The following MAP3K21 variants were observed in gnomAD, a reference collection of about 807,000 sequenced individuals.
MAP3K21 encodes mitogen-activated protein kinase kinase kinase MLK4.
Under a neutral mutation model 86.1 loss-of-function variants are expected in MAP3K21, and 63 were observed. The ratio of observed to expected loss-of-function variants is 0.73; its 90% CI spans 0.60 to 0.90. The LOEUF (loss-of-function observed/expected upper bound fraction) is 0.90, where lower values mean the gene tolerates loss of function less well. Among genes scored for constraint, MAP3K21 ranks in the 40% least tolerant of loss-of-function variants. MAP3K21 has a pLI of 0.00. For missense variants in MAP3K21, 1,220 were observed against 1,367.7 expected (o/e 0.89, Z 1.70); for synonymous variants, 558 against 564.8 (o/e 0.99, Z 0.17).
At chr1:233,348,999 AAAGCTT>A (rs1385450296) in intron 2 of MAP3K21, among the ~76,000 whole-genome samples, 1 of 152,182 alleles carries the variant, frequency 6.6e-6, no homozygotes, top group Non-Finnish European at 1.5e-5. Context: ...CCTTCCATTT[AAAGCTT>A]ATCTTCTGCA....
Position 233,382,308 on chromosome 1 carries a change from GTGCAACTA to G in MAP3K21, c.2710_2717del (p.Ala904TyrfsTer87). On this transcript the variant is annotated frameshift_variant, in exon 10 of 10. Transcript: ENST00000366624. LOFTEE classifies it low-confidence loss of function (END_TRUNC). ...CTGTTTTGGCTTTCTCAACCAGCTG[GTGCAACTA>G]TTATCTCAGCCACTGGAGCCTCTGC... is the stretch of plus-strand genomic sequence containing the variant. The G allele has an allele frequency of 6.2e-7, 1 of 1,608,058 alleles. No homozygotes were observed. The highest frequency in any genetic ancestry group is 1.1e-5 in the South Asian group (1 of 90,832).
intron 5 of MAP3K21, among the ~76,000 whole-genome samples, chr1:233,368,495 A>G (rs1663621810): frequency 6.6e-6 from 1 of 152,034 alleles, no homozygotes; most frequent in Non-Finnish European, 1.5e-5. Flanking sequence ...TTCTACAAAA[A>G]TATACAAAAA....
chr1:233,359,985 G>A (rs1001180751), intron 4 of MAP3K21, among the ~76,000 whole-genome samples: 10 of 151,994 alleles, frequency 6.6e-5, no homozygotes, highest in African/African-American at 2.2e-4. Context: ...TCACAAATTT[G>A]TTCACAGGGA....
chr1:233,338,861 T>G (rs574142832), intron 1 of MAP3K21, among the ~76,000 whole-genome samples: 9 of 152,316 alleles, frequency 5.9e-5, no homozygotes, highest in African/African-American at 2.2e-4. Context: ...GTTTTGAAAT[T>G]TGATGAAGGG....
intron 1 of MAP3K21, among the ~76,000 whole-genome samples, chr1:233,346,152 A>T (rs1572243369): frequency 1.3e-5 from 2 of 152,320 alleles, no homozygotes; most frequent in African/African-American, 4.8e-5. Flanking sequence ...TTCTGATCCT[A>T]CTTGTGATAT....
chr1:233,367,891 G>A (rs1052019697), intron 5 of MAP3K21, among the ~76,000 whole-genome samples: 1 of 150,946 alleles, frequency 6.6e-6, no homozygotes, highest in East Asian at 2.0e-4. Context: ...TTTTCTTTCT[G>A]TTTACAACAT....
intron 9 of MAP3K21, among the ~76,000 whole-genome samples, chr1:233,380,843 C>T (rs569837740): frequency 2.6e-5 from 4 of 152,112 alleles, no homozygotes; most frequent in Non-Finnish European, 5.9e-5. Flanking sequence ...GAATTTAAAC[C>T]CGGGATCCTT....
At chr1:233,373,950 G>A (rs1036296154) in intron 6 of MAP3K21, 4 of 152,218 alleles carry the variant, frequency 2.6e-5, no homozygotes, top group African/African-American at 9.7e-5. Flanking sequence ...GGAGACTAAA[G>A]CCGAGAGTGT....
intron 1 of MAP3K21, among the ~76,000 whole-genome samples, chr1:233,338,789 G>T (rs1334970672): frequency 6.6e-6 from 1 of 152,174 alleles, no homozygotes; most frequent in African/African-American, 2.4e-5. Context: ...CGACGCAAGA[G>T]ACTTTTGAAC....
chr1:233,369,218 T>C (rs151014774), intron 5 of MAP3K21, among the ~76,000 whole-genome samples: 1 of 13,456 alleles, frequency 7.4e-5, no homozygotes. Flanking sequence ...TCTAGTAAAA[T>C]ACAAAAAAAA....
In MAP3K21 at chr1:233,379,051, A is replaced by C. The variant is rs1428149213; in HGVS notation, c.2045A>C (p.Asn682Thr). 6.2e-7 allele frequency: 1 copy of C among 1,614,074 alleles called. No homozygotes were observed. The highest frequency in any genetic ancestry group is 8.5e-7 in the Non-Finnish European group (1 of 1,180,036). The change falls in exon 9 of 10, where the codon AAT becomes ACT. Residue 682 changes from asparagine (N) to threonine (T), a missense_variant. Asn to Thr is a moderately conservative substitution (Grantham distance 65). Around this residue, in one of 5 missense-constraint regions of MAP3K21, gnomAD observed 632 missense variants for 691.3 expected, o/e 0.91. Transcript: ENST00000366624. Reference sequence around the variant, plus strand: ...CTTGGGAAAGATGCTCAGAGAGAGAATCCTGCAGAAGCTGAAAGCTGGGAG... The same window carrying C: ...CTTGGGAAAGATGCTCAGAGAGAGACTCCTGCAGAAGCTGAAAGCTGGGAG... ...LPLGKDAQRE[N>T]PAEAESWEEA...
Position 233,375,866 on chromosome 1 carries a change from T to C in MAP3K21, c.1676-50T>C, listed in dbSNP as rs774155441. 4.8e-6 allele frequency: 7 copies of C among 1,462,968 alleles called. No homozygotes were observed. The Middle Eastern group carries it at 5.4e-4, about 114-fold the overall frequency. 90.6% of individuals were successfully genotyped at this position (1,462,968 alleles called of 1,614,324 possible). A position where few individuals can be genotyped will look rare whatever the true frequency, so the allele number is the denominator to read the frequency against. ...TTTAGCTTTTTTAACAAAGCCAATATTGGTTAATATGATTGTTGTGGTTAA... is the reference window on the plus strand; with the variant it reads ...TTTAGCTTTTTTAACAAAGCCAATACTGGTTAATATGATTGTTGTGGTTAA... On this transcript the variant is annotated intron_variant, in intron 6 of 9. Coordinates refer to ENST00000366624, the MANE Select transcript of MAP3K21 (RefSeq NM_032435.3).
intron 5 of MAP3K21, among the ~76,000 whole-genome samples, chr1:233,365,025 C>T (rs1215543949): frequency 3.3e-5 from 5 of 152,108 alleles, no homozygotes; most frequent in African/African-American, 1.2e-4. Flanking sequence ...ATGGGACAGA[C>T]ATCCAAAAAG....
intron 6 of MAP3K21, among the ~76,000 whole-genome samples, chr1:233,375,134 G>A (rs1315482234): frequency 7.2e-5 from 11 of 151,812 alleles, no homozygotes; most frequent in Admixed American, 3.3e-4. Flanking sequence ...AGTGGAGACC[G>A]GGTTTCACCA....
intron 1 of MAP3K21, among the ~76,000 whole-genome samples, 190 bp from the exon 2 acceptor site, chr1:233,346,252 C>T (rs556801855): frequency 2.6e-5 from 4 of 152,314 alleles, no homozygotes; most frequent in East Asian, 1.9e-4. Flanking sequence ...CTTAAAATAA[C>T]TTGTAACTTC....
chr1:233,382,153 T>A (rs891814409), intron 9 of MAP3K21, 152 bp from the exon 10 acceptor site: 1 of 698,132 alleles, frequency 1.4e-6, no homozygotes, highest in Admixed American at 2.8e-5. Flanking sequence ...TGCAGTGTGC[T>A]ATGATCATGC....
At position 233,328,676 on chromosome 1, in the gene MAP3K21, C is replaced by G; in HGVS notation, c.648C>G (p.Asn216Lys). Residue 216 changes from asparagine (N) to lysine (K), a missense_variant, in exon 1 of 10, where the codon AAC becomes AAG. Around this residue, in one of 5 missense-constraint regions of MAP3K21, gnomAD observed 369 missense variants for 385.3 expected, o/e 0.96. Coordinates refer to ENST00000366624, the MANE Select transcript of MAP3K21 (RefSeq NM_032435.3). This position sits in a 1 kb window ranked among gnomAD's most constrained non-coding sequence, Gnocchi z 8.7. ...GALNRALAAA[N>K]AAPDPRAPGP... ...TCAACCGAGCGCTGGCCGCTGCCAA[C>G]GCCGCCCCGGACCCGCGCGCGCCCG... The G allele has an allele frequency of 3.7e-6, 5 of 1,334,348 alleles. No homozygotes were observed. The highest frequency in any genetic ancestry group is 4.8e-6 in the Non-Finnish European group (5 of 1,044,342). 82.7% of individuals were successfully genotyped at this position (1,334,348 alleles called of 1,614,324 possible).
Position 233,346,583 on chromosome 1 carries a change from T to C in MAP3K21, c.947T>C (p.Ile316Thr), listed in dbSNP as rs1252241140. The change falls in exon 2 of 10, where the codon ATC (isoleucine) becomes ACC (threonine). Residue 316 changes from isoleucine to threonine, a missense_variant. Transcript: ENST00000366624. ...GTYAWMAPEV[I>T]KSSLFSKGSD... ...TATGCCTGGATGGCCCCCGAAGTGA[T>C]CAAGTCTTCCTTGTTTTCTAAGGGA... 2 of 1,613,852 alleles carry C rather than the reference T, an allele frequency of 1.2e-6. No individual in the cohort carries two copies. The highest frequency in any genetic ancestry group is 1.7e-6 in the Non-Finnish European group (2 of 1,179,874).
chr1:233,344,276 A>G (rs1663091043), intron 1 of MAP3K21, among the ~76,000 whole-genome samples: 1 of 152,240 alleles, frequency 6.6e-6, no homozygotes, highest in African/African-American at 2.4e-5. Flanking sequence ...TTGCCAAGAC[A>G]ATCCTAAGCA....
Sources: allele counts gnomAD v4.1 joint callset (sites outside exome capture counted in the v4.1 genomes callset), GRCh38; gene constraint gnomAD v4.1.1; regional missense constraint gnomAD v4.1.1; non-coding constraint Gnocchi (gnomAD v3.1); transcripts MANE v1.5; gene names NCBI Gene and HGNC (gene_info 2026-07-23, HGNC 2026-07-21).